COG5: variants seen among roughly 807,000 people sequenced by gnomAD.
COG5 encodes conserved oligomeric Golgi complex subunit 5.
In COG5, 86 loss-of-function variants were observed where a neutral mutation model predicts 110.4. That is an observed-to-expected ratio of 0.78 (90% CI 0.65 to 0.93). The LOEUF is 0.93. Among genes scored for constraint, COG5 ranks in the 40% least tolerant of loss-of-function variants. The pLI, the probability that COG5 is intolerant of heterozygous loss-of-function variation, is 0.00. For synonymous variants in COG5, 360 were observed against 334.6 expected (o/e 1.08, Z -0.83); for missense variants, 1,077 against 987.0 (o/e 1.09, Z -1.22).
At chr7:107,350,911 G>T (rs1314835640) in intron 10 of COG5, among the ~76,000 whole-genome samples, 5 of 152,036 alleles carry the variant, frequency 3.3e-5, no homozygotes, top group Non-Finnish European at 5.9e-5. Flanking sequence ...CTCACTACAG[G>T]TTCAACTATT....
intron 13 of COG5, among the ~76,000 whole-genome samples, chr7:107,282,547 G>C: frequency 6.6e-6 from 1 of 152,014 alleles, no homozygotes; most frequent in African/African-American, 2.4e-5. Context: ...TTTGAGACAG[G>C]GTTTCGCTCT....
chr7:107,271,182 G>A (rs2116720414), intron 14 of COG5, among the ~76,000 whole-genome samples: 1 of 152,164 alleles, frequency 6.6e-6, no homozygotes, highest in African/African-American at 2.4e-5. Context: ...ACGAGTTCCA[G>A]GCTGCAGTGA....
chr7:107,467,556 T>C (rs1410885512), intron 6 of COG5, among the ~76,000 whole-genome samples: 1 of 152,120 alleles, frequency 6.6e-6, no homozygotes, highest in Non-Finnish European at 1.5e-5. Flanking sequence ...TTCACCATGT[T>C]GGCCAGACTG....
At chr7:107,435,539 G>A (rs2129082923) in intron 6 of COG5, among the ~76,000 whole-genome samples, 1 of 152,140 alleles carries the variant, frequency 6.6e-6, no homozygotes, top group East Asian at 1.9e-4. Context: ...TGCAATCCTA[G>A]CTATTTGGGA....
intron 10 of COG5, among the ~76,000 whole-genome samples, chr7:107,359,886 T>C (rs1024657124): frequency 1.3e-5 from 2 of 151,768 alleles, no homozygotes; most frequent in Admixed American, 6.6e-5. Flanking sequence ...TCCTCTCTAC[T>C]GAAGACTGTA....
Position 107,283,636 on chromosome 7 carries a change from A to G in COG5, c.1410T>C (p.Phe470=). 1.2e-6 allele frequency: 2 copies of G among 1,613,898 alleles called. No homozygotes were observed. Among genetic ancestry groups the G allele is most frequent in the Non-Finnish European group, 1.7e-6 (2 of 1,179,818 alleles). The change falls in exon 13 of 22, where the codon TTT becomes TTC. Residue 470 remains phenylalanine (F), a synonymous_variant. Transcript: ENST00000297135. ...AAGGAGGATTACGACCACCCGGGGG[A>G]AAAACCAAGTTGATAGGATCGAAGA... ...SRLFDPINLV[F]PPGGRNPPSS...
rs1563056700 is a variant in COG5, at chr7:107,476,183, T to TAAAAAAAAAAAAAAAAAAAAAAAAAAAA, written c.538+51053_538+51054insTTTTTTTTTTTTTTTTTTTTTTTTTTTT. ...TCTGGATTAATATAGTGCAATGATT[T>TAAAAAAAAAAAAAAAAAAAAAAAAAAAA]TAAAAAAAAAAAAAAAAAAAAAAAG... On this transcript the variant is annotated intron_variant, in intron 6 of 21. Transcript: ENST00000297135. 6.5e-4 allele frequency among the ~76,000 whole-genome samples: 56 copies of TAAAAAAAAAAAAAAAAAAAAAAAAAAAA among 86,466 alleles called. 5 individuals carry two copies. The highest frequency in any genetic ancestry group is 8.7e-4 in the African/African-American group (15 of 17,216). 56.7% of individuals were successfully genotyped at this position (86,466 alleles called of 152,430 possible). A position where few individuals can be genotyped will look rare whatever the true frequency, so the allele number is the denominator to read the frequency against.
At chr7:107,547,735 TG>T (rs1463722326) in intron 5 of COG5, among the ~76,000 whole-genome samples, 2 of 151,730 alleles carry the variant, frequency 1.3e-5, no homozygotes, top group Non-Finnish European at 2.9e-5. Flanking sequence ...ACACTAACAA[TG>T]AACTATCCAA....
At chr7:107,411,962 G>A (rs1792333366) in intron 7 of COG5, among the ~76,000 whole-genome samples, 2 of 152,040 alleles carry the variant, frequency 1.3e-5, no homozygotes, top group South Asian at 4.1e-4. Flanking sequence ...AGAAAATTAA[G>A]CATCAGGAAA....
intron 6 of COG5, among the ~76,000 whole-genome samples, chr7:107,462,500 TG>T (rs1796056963): frequency 2.7e-5 from 4 of 149,718 alleles, no homozygotes; most frequent in Non-Finnish European, 1.5e-5. Context: ...ATCTTTAATA[TG>T]GGGGGTAAGG....
At chr7:107,288,355 C>G (rs1173703835) in intron 12 of COG5, among the ~76,000 whole-genome samples, 1 of 152,142 alleles carries the variant, frequency 6.6e-6, no homozygotes, top group Non-Finnish European at 1.5e-5. Context: ...GAACGAGACC[C>G]AGTTTCAAGA....
At chr7:107,435,412 G>A (rs1238792891) in intron 6 of COG5, among the ~76,000 whole-genome samples, 1 of 152,124 alleles carries the variant, frequency 6.6e-6, no homozygotes, top group Non-Finnish European at 1.5e-5. Flanking sequence ...CAGCACTTTG[G>A]GAGGCCAAGG....
chr7:107,329,480 C>T (rs1209981322), intron 10 of COG5, among the ~76,000 whole-genome samples: 1 of 151,784 alleles, frequency 6.6e-6, no homozygotes, highest in East Asian at 1.9e-4. Context: ...TGATGTATCC[C>T]TATATATACA....
intron 7 of COG5, among the ~76,000 whole-genome samples, chr7:107,378,396 C>T (rs781606945): frequency 9.9e-5 from 15 of 151,954 alleles, no homozygotes; most frequent in Admixed American, 2.0e-4. Context: ...TCGCCAGCAA[C>T]GAAACAAAAC....
chr7:107,374,513 A>T (rs1265027044), intron 7 of COG5, among the ~76,000 whole-genome samples: 1 of 152,104 alleles, frequency 6.6e-6, no homozygotes, highest in East Asian at 1.9e-4. Flanking sequence ...TGTAAGATTT[A>T]TGCATACAAC....
chr7:107,541,936 G>GA (rs1211146282), intron 5 of COG5, among the ~76,000 whole-genome samples: 2,719 of 80,318 alleles, frequency 0.034, 62 homozygotes, highest in African/African-American at 0.099. Context: ...TCTCAAAAAA[G>GA]AAAAAAAAAA....
intron 11 of COG5, among the ~76,000 whole-genome samples, chr7:107,314,406 T>C (rs964894660): frequency 7.2e-5 from 11 of 152,108 alleles, no homozygotes; most frequent in African/African-American, 2.7e-4. Flanking sequence ...TGTACACTTT[T>C]TCTTAATGAG....
chr7:107,395,470 A>G (rs1168203257), intron 7 of COG5, among the ~76,000 whole-genome samples: 1 of 151,964 alleles, frequency 6.6e-6, no homozygotes, highest in Non-Finnish European at 1.5e-5. Flanking sequence ...CCTAACTACT[A>G]AAAAGCGATA....
rs6958494 is a variant in COG5 at position 107,203,223 on chromosome 7, A to G, written c.*293T>C. The G allele has an allele frequency of 2.3e-3, 977 of 425,370 alleles. 11 individuals carry two copies. The highest frequency in any genetic ancestry group is 0.019 in the African/African-American group (931 of 49,606). The allele number at this position is 425,370 out of a possible 1,614,324, so 26.3% of individuals were successfully genotyped here. A position where few individuals can be genotyped will look rare whatever the true frequency, so the allele number is the denominator to read the frequency against. ...GTGGGGACTTTGGGTTTATGTACCC[A>G]TAGGAGGACTTGGTTATGGATGGGA... On this transcript the variant is annotated 3_prime_UTR_variant, in exon 22 of 22. Transcript: ENST00000297135.
Sources: allele counts gnomAD v4.1 joint callset (sites outside exome capture counted in the v4.1 genomes callset), GRCh38; gene constraint gnomAD v4.1.1; transcripts MANE v1.5; gene names NCBI Gene and HGNC (gene_info 2026-07-23, HGNC 2026-07-21).